The following DENND6A variants were observed in gnomAD, a reference collection of about 807,000 sequenced individuals.
DENND6A encodes DENN domain containing 6A, also known as protein DENND6A.
In DENND6A, 43 loss-of-function variants were observed where a neutral mutation model predicts 95.5. The observed-to-expected ratio is 0.45, with a 90% CI of 0.35 to 0.58. The LOEUF is 0.58. Among genes scored for constraint, DENND6A ranks in the 20% least tolerant of loss-of-function variants. The pLI is 0.00. For synonymous variants in DENND6A, 257 were observed against 260.4 expected (o/e 0.99, Z 0.13); for missense variants, 574 against 736.0 (o/e 0.78, Z 2.55).
At chr3:57,683,606 G>A (rs1485495522) in intron 1 of DENND6A, among the ~76,000 whole-genome samples, 1 of 151,992 alleles carries the variant, frequency 6.6e-6, no homozygotes, top group Non-Finnish European at 1.5e-5. Flanking sequence ...AAATAGCCCT[G>A]GGTACTATTA....
chr3:57,663,319 A>T (rs546786777), intron 5 of DENND6A, among the ~76,000 whole-genome samples: 1 of 151,024 alleles, frequency 6.6e-6, no homozygotes, highest in African/African-American at 2.4e-5. Context: ...ACAAAAAATT[A>T]GCCAGGCGTC....
intron 9 of DENND6A, among the ~76,000 whole-genome samples, chr3:57,652,474 T>A (rs2071230705): frequency 6.6e-6 from 1 of 152,198 alleles, no homozygotes; most frequent in Admixed American, 6.5e-5. Context: ...CATAAAAAAC[T>A]CTGAGCCAGA....
At chr3:57,669,481 G>A (rs917917402) in intron 3 of DENND6A, among the ~76,000 whole-genome samples, 6 of 151,018 alleles carry the variant, frequency 4.0e-5, no homozygotes, top group African/African-American at 1.5e-4. Flanking sequence ...TTTGGGAGGC[G>A]GAGGTGAGCG....
chr3:57,674,298 G>A (rs927614465), intron 1 of DENND6A, among the ~76,000 whole-genome samples: 3 of 151,984 alleles, frequency 2.0e-5, no homozygotes, highest in Admixed American at 1.3e-4. Context: ...GCGTGAACCT[G>A]GGAGGTGGAG....
At chr3:57,648,610 C>T (rs1345199931) in intron 9 of DENND6A, among the ~76,000 whole-genome samples, 4 of 152,122 alleles carry the variant, frequency 2.6e-5, no homozygotes, top group Non-Finnish European at 2.9e-5. Context: ...TATCTGCCTT[C>T]AAACTACACT....
intron 1 of DENND6A, among the ~76,000 whole-genome samples, chr3:57,676,634 A>G (rs2071714293): frequency 6.6e-6 from 1 of 152,118 alleles, no homozygotes; most frequent in Admixed American, 6.5e-5. Context: ...GATATAGCTA[A>G]GTAAAAAAAA....
chr3:57,650,032 T>A (rs2071169588), intron 9 of DENND6A, among the ~76,000 whole-genome samples: 1 of 151,686 alleles, frequency 6.6e-6, no homozygotes, highest in Non-Finnish European at 1.5e-5. Flanking sequence ...CTAAAGTAAC[T>A]TAGGAATGGA....
chr3:57,640,268 C>CAA (rs780202917), intron 12 of DENND6A, among the ~76,000 whole-genome samples: 3 of 97,186 alleles, frequency 3.1e-5, no homozygotes, highest in Non-Finnish European at 4.3e-5. Context: ...GACTCTGTCT[C>CAA]AAAAAAAAAA....
chr3:57,628,211 A>T lies in DENND6A; in HGVS notation c.*3T>A, dbSNP rs768049711. ...CTTTTTGGCTGGAAAATCTTGGCAA[A>T]TATCATGTCATGCCCGTTTTGAGCA... On this transcript the variant is annotated 3_prime_UTR_variant, in exon 20 of 20. Coordinates refer to ENST00000311128, the MANE Select transcript of DENND6A (RefSeq NM_152678.3). 1.2e-6 allele frequency: 2 copies of T among 1,610,452 alleles called. No individual in the cohort carries two copies. Among genetic ancestry groups the T allele is most frequent in the African/African-American group, 2.7e-5 (2 of 74,854 alleles).
intron 9 of DENND6A, 24 bp downstream of exon 9, chr3:57,657,656 T>C: frequency 1.4e-6 from 2 of 1,448,194 alleles, no homozygotes; most frequent in Non-Finnish European, 1.9e-6. Context: ...AGGAAGTCAG[T>C]TAATAAAATT....
intron 1 of DENND6A, among the ~76,000 whole-genome samples, chr3:57,684,526 A>T (rs1477650094): frequency 2.0e-5 from 3 of 152,002 alleles, no homozygotes; most frequent in African/African-American, 7.2e-5. Context: ...TTGGAAGGCT[A>T]AGGCAGGTGG....
chr3:57,636,778 A>G (rs1400724525), intron 12 of DENND6A, among the ~76,000 whole-genome samples: 5 of 151,960 alleles, frequency 3.3e-5, no homozygotes, highest in Non-Finnish European at 7.4e-5. Context: ...CTCCACTAAA[A>G]ATACAAAAAT....
intron 3 of DENND6A, among the ~76,000 whole-genome samples, chr3:57,666,717 T>C (rs370825797): frequency 1.3e-5 from 2 of 152,292 alleles, no homozygotes; most frequent in South Asian, 2.1e-4. Context: ...GTGGTTACAT[T>C]TGGAGGAAAG....
At chr3:57,677,966 T>A (rs2071741605) in intron 1 of DENND6A, among the ~76,000 whole-genome samples, 1 of 152,176 alleles carries the variant, frequency 6.6e-6, no homozygotes, top group African/African-American at 2.4e-5. Context: ...AGTTGTTATA[T>A]CATCTTTAAT....
At chr3:57,645,848 AC>A in intron 10 of DENND6A, 92 bp from the exon 11 acceptor site, 1 of 801,268 alleles carries the variant, frequency 1.2e-6, no homozygotes, top group Non-Finnish European at 2.0e-6. Context: ...CGGTATACAC[AC>A]AAAGGGATAC....
intron 1 of DENND6A, among the ~76,000 whole-genome samples, chr3:57,683,436 AC>A (rs2077184025): frequency 6.6e-6 from 1 of 152,142 alleles, no homozygotes. Flanking sequence ...TCAGTTAGAA[AC>A]CCTACCTTCA....
chr3:57,685,544 T>C (rs1420187159), intron 1 of DENND6A, among the ~76,000 whole-genome samples: 1 of 152,098 alleles, frequency 6.6e-6, no homozygotes, highest in Non-Finnish European at 1.5e-5. Flanking sequence ...ATCATGTCAG[T>C]ACTCAGAAAG....
chr3:57,644,848 G>A (rs1433702482), intron 11 of DENND6A, among the ~76,000 whole-genome samples: 1 of 141,498 alleles, frequency 7.1e-6, no homozygotes, highest in Non-Finnish European at 1.5e-5. Context: ...AGGAAAAACA[G>A]GGCAATGATA....
intron 1 of DENND6A, among the ~76,000 whole-genome samples, chr3:57,678,713 G>A (rs2077131144): frequency 6.6e-6 from 1 of 152,226 alleles, no homozygotes. Context: ...ACAGCCATCT[G>A]CAAGCCAGGA....
Sources: allele counts gnomAD v4.1 joint callset (sites outside exome capture counted in the v4.1 genomes callset), GRCh38; gene constraint gnomAD v4.1.1; transcripts MANE v1.5; gene names NCBI Gene and HGNC (gene_info 2026-07-23, HGNC 2026-07-21).